The following GRIK1 variants were observed in gnomAD, a reference collection of about 807,000 sequenced individuals.
GRIK1 encodes glutamate receptor ionotropic, kainate 1.
A neutral mutation model predicts 105.7 loss-of-function variants in GRIK1; 69 were observed. The ratio of observed to expected loss-of-function variants is 0.65; its 90% CI spans 0.54 to 0.80. GRIK1 has a LOEUF of 0.80. GRIK1 is among the 30% of genes least tolerant of loss of function. The probability of loss-of-function intolerance (pLI) is 0.00; values close to 1 mark genes in which losing one functional copy is unlikely to be tolerated. For missense variants in GRIK1, 1,109 were observed against 1,167.3 expected (o/e 0.95, Z 0.73); for synonymous variants, 438 against 431.3 (o/e 1.02, Z -0.19).
At chr21:29,725,496 T>A (rs767314427) in intron 1 of GRIK1, among the ~76,000 whole-genome samples, 11 of 152,224 alleles carry the variant, frequency 7.2e-5, no homozygotes, top group Admixed American at 3.3e-4. Flanking sequence ...CATATCGTGC[T>A]AGAGCTCAGT....
At chr21:29,838,840 C>G (rs990514811) in intron 1 of GRIK1, among the ~76,000 whole-genome samples, 8 of 152,170 alleles carry the variant, frequency 5.3e-5, no homozygotes, top group Admixed American at 2.0e-4. Flanking sequence ...AGATTCATCA[C>G]TTTCTTTGTC....
chr21:29,792,293 A>T (rs891643470), intron 1 of GRIK1, among the ~76,000 whole-genome samples: 25 of 152,202 alleles, frequency 1.6e-4, no homozygotes, highest in Admixed American at 5.9e-4. Flanking sequence ...GAAGAAAAGG[A>T]TCCCCATGGT....
chr21:29,697,924 C>CTTTCTT (rs201170156), intron 1 of GRIK1, among the ~76,000 whole-genome samples: 45 of 124,080 alleles, frequency 3.6e-4, no homozygotes, highest in African/African-American at 1.5e-3. Flanking sequence ...CTTTCTCTCT[C>CTTTCTT]TCTCTCTTTC....
chr21:29,639,034 G>A (rs2062454926), intron 7 of GRIK1, among the ~76,000 whole-genome samples: 1 of 152,170 alleles, frequency 6.6e-6, no homozygotes, highest in Non-Finnish European at 1.5e-5. Context: ...GAGTTAAATA[G>A]GTTGGTCTTT....
chr21:29,581,249 T>C (rs559937228), intron 13 of GRIK1, among the ~76,000 whole-genome samples, 176 bp downstream of exon 13: 1 of 152,262 alleles, frequency 6.6e-6, no homozygotes, highest in Admixed American at 6.5e-5. Flanking sequence ...GGGAGTTCCA[T>C]ATAGGTCATT....
chr21:29,544,343 G>A (rs752077046), intron 16 of GRIK1, among the ~76,000 whole-genome samples: 2 of 152,136 alleles, frequency 1.3e-5, no homozygotes, highest in African/African-American at 4.8e-5. Context: ...GGGTGGCCAC[G>A]CAGGGCTACC....
intron 14 of GRIK1, among the ~76,000 whole-genome samples, chr21:29,564,221 C>T (rs2090556132): frequency 6.6e-6 from 1 of 152,044 alleles, no homozygotes; most frequent in Admixed American, 6.6e-5. Flanking sequence ...AATCTCGGCT[C>T]ACTGCAAGCT....
At chr21:29,634,848 A>G (rs1264639798) in intron 7 of GRIK1, among the ~76,000 whole-genome samples, 2 of 152,224 alleles carry the variant, frequency 1.3e-5, no homozygotes, top group Non-Finnish European at 2.9e-5. Context: ...ACAAAAAGCC[A>G]TCTGTCTCCA....
At chr21:29,924,921 C>G (rs2071309626) in intron 1 of GRIK1, among the ~76,000 whole-genome samples, 1 of 152,184 alleles carries the variant, frequency 6.6e-6, no homozygotes, top group Non-Finnish European at 1.5e-5. Context: ...TTCTGCTGCT[C>G]TCCTTCAGGA....
At chr21:29,672,033 C>T (rs188550009) in intron 4 of GRIK1, among the ~76,000 whole-genome samples, 129 of 149,328 alleles carry the variant, frequency 8.6e-4, no homozygotes, top group African/African-American at 2.9e-3. Flanking sequence ...CCAGTCTGCG[C>T]TTTGTTTCTA....
At chr21:29,644,245 C>T (rs1019420060) in intron 6 of GRIK1, among the ~76,000 whole-genome samples, 5 of 152,080 alleles carry the variant, frequency 3.3e-5, no homozygotes, top group Non-Finnish European at 7.4e-5. Context: ...CATTATTATT[C>T]TGTTCAATCT....
intron 12 of GRIK1, among the ~76,000 whole-genome samples, chr21:29,582,793 T>C (rs1433978670): frequency 6.6e-6 from 1 of 152,106 alleles, no homozygotes; most frequent in Admixed American, 6.6e-5. Flanking sequence ...GTCTTTTCAA[T>C]GCAAGCAGGA....
At chr21:29,634,793 G>T (rs1034504636) in intron 7 of GRIK1, among the ~76,000 whole-genome samples, 7 of 152,084 alleles carry the variant, frequency 4.6e-5, no homozygotes, top group African/African-American at 1.7e-4. Context: ...CAGGCTGAAA[G>T]GTATATGACA....
At chr21:29,772,166 AATGT>A (rs2065830459) in intron 1 of GRIK1, among the ~76,000 whole-genome samples, 1 of 152,180 alleles carries the variant, frequency 6.6e-6, no homozygotes, top group African/African-American at 2.4e-5. Flanking sequence ...TCGAAATGGA[AATGT>A]TTAAACACTC....
In GRIK1 at chr21:29,848,772, TA is replaced by T. The variant is rs1401512785; in HGVS notation, c.118+90610del. On this transcript the variant is annotated intron_variant, in intron 1 of 17. Transcript: ENST00000327783. Reference sequence around the variant, plus strand: ...TTGTGTGTGTATATATATATATATATATATATATTTTTTTTTTTTTCCACGA... The same window carrying T: ...TTGTGTGTGTATATATATATATATATTATATATTTTTTTTTTTTTCCACGA... Among the ~76,000 whole-genome samples the T allele has an allele frequency of 1.2e-3, 125 of 101,596 alleles. 1 individual carries two copies. Among genetic ancestry groups the T allele is most frequent in the African/African-American group, 5.7e-3 (110 of 19,344 alleles). 66.7% of individuals were successfully genotyped at this position (101,596 alleles called of 152,430 possible).
chr21:29,578,991 A>G (rs1468631654), intron 13 of GRIK1, among the ~76,000 whole-genome samples: 1 of 152,184 alleles, frequency 6.6e-6, no homozygotes. Flanking sequence ...TTGGTTGCAT[A>G]TGAAAACATA....
chr21:29,835,171 T>G (rs747583541), intron 1 of GRIK1, among the ~76,000 whole-genome samples: 3 of 152,214 alleles, frequency 2.0e-5, no homozygotes, highest in Admixed American at 6.5e-5. Flanking sequence ...TTGTATTTTG[T>G]GTACTTTTGT....
intron 1 of GRIK1, among the ~76,000 whole-genome samples, chr21:29,923,097 G>A (rs905470179): frequency 1.3e-5 from 2 of 152,148 alleles, no homozygotes; most frequent in Non-Finnish European, 2.9e-5. Flanking sequence ...GAATTTTGCT[G>A]TATTTCCTTT....
Position 29,561,617 on chromosome 21 carries a change from G to A in GRIK1, c.2356+7C>T, listed in dbSNP as rs780985858. ...TCTCAGTCTTGGTTCATGTCTACCC[G>A]TCTTACCAATAGGTGTTCCCACTCC... On this transcript the variant is annotated splice_region_variant and intron_variant, in intron 15 of 17. Transcript: ENST00000327783. 60 of 1,562,072 alleles carry A rather than the reference G, an allele frequency of 3.8e-5. No individual in the cohort carries two copies. The Middle Eastern group carries it at 5.0e-4, about 13-fold the overall frequency.
Sources: allele counts gnomAD v4.1 joint callset (sites outside exome capture counted in the v4.1 genomes callset), GRCh38; gene constraint gnomAD v4.1.1; transcripts MANE v1.5; gene names NCBI Gene and HGNC (gene_info 2026-07-23, HGNC 2026-07-21).